The following CCDC171 variants were observed in gnomAD, a reference collection of about 807,000 sequenced individuals.
CCDC171 encodes the protein coiled-coil domain containing 171.
CCDC171 carries 177 observed loss-of-function variants against 168.2 expected under a neutral mutation model. The observed-to-expected ratio is 1.05, with a 90% confidence interval of 0.93 to 1.19. CCDC171 has a LOEUF of 1.19. Ranked by LOEUF, CCDC171 falls within the 50% of genes most tolerant of loss-of-function variation. CCDC171 has a pLI of 0.00. For synonymous variants in CCDC171, 687 were observed against 540.8 expected (o/e 1.27, Z -3.75); for missense variants, 1,991 against 1,539.0 (o/e 1.29, Z -4.91).
intron 3 of CCDC171, among the ~76,000 whole-genome samples, chr9:15,986,108 A>G (rs1453111825): frequency 1.3e-5 from 2 of 152,248 alleles, no homozygotes; most frequent in Non-Finnish European, 2.9e-5. Flanking sequence ...GATAATGGCA[A>G]TTAATGATTG....
chr9:15,629,818 C>T (rs1050370695), intron 7 of CCDC171, among the ~76,000 whole-genome samples: 4 of 152,232 alleles, frequency 2.6e-5, no homozygotes, highest in African/African-American at 7.2e-5. Context: ...ATCAGACTAA[C>T]AGTGGATCTC....
intron 8 of CCDC171, among the ~76,000 whole-genome samples, chr9:15,665,795 CATTTA>C (rs1361457464): frequency 1.3e-5 from 2 of 152,046 alleles, no homozygotes; most frequent in African/African-American, 2.4e-5. Context: ...AAAACCCAAA[CATTTA>C]ATTTATTATA....
chr9:15,927,221 T>C (rs1464397141), intron 25 of CCDC171, among the ~76,000 whole-genome samples: 1 of 151,646 alleles, frequency 6.6e-6, no homozygotes, highest in Non-Finnish European at 1.5e-5. Flanking sequence ...TTGCCAGTAC[T>C]TTAACTTTTC....
At chr9:15,878,170 A>C (rs978719334) in intron 24 of CCDC171, among the ~76,000 whole-genome samples, 1 of 152,228 alleles carries the variant, frequency 6.6e-6, no homozygotes, top group Non-Finnish European at 1.5e-5. Context: ...CAGCAAAAGA[A>C]ACTATCAACA....
At chr9:15,895,809 G>T (rs973450776) in intron 24 of CCDC171, among the ~76,000 whole-genome samples, 6 of 151,936 alleles carry the variant, frequency 3.9e-5, no homozygotes, top group African/African-American at 9.7e-5. Flanking sequence ...TGGCAATTCT[G>T]TAATTTACCA....
chr9:15,892,076 T>C (rs986897219), intron 24 of CCDC171, among the ~76,000 whole-genome samples: 1 of 152,224 alleles, frequency 6.6e-6, no homozygotes, highest in African/African-American at 2.4e-5. Context: ...CGTTTCAATA[T>C]GAAATTTTAA....
chr9:15,753,628 G>C (rs1296076125), intron 18 of CCDC171, among the ~76,000 whole-genome samples: 1 of 152,094 alleles, frequency 6.6e-6, no homozygotes, highest in East Asian at 1.9e-4. Flanking sequence ...TCAAGTAGAA[G>C]GTGGTGTCTT....
At chr9:15,753,096 G>C (rs2055867575) in intron 18 of CCDC171, among the ~76,000 whole-genome samples, 1 of 152,090 alleles carries the variant, frequency 6.6e-6, no homozygotes. Flanking sequence ...AGTTGTTAGA[G>C]AACAATAATG....
intron 6 of CCDC171, among the ~76,000 whole-genome samples, chr9:15,610,906 T>G (rs933100538): frequency 6.6e-6 from 1 of 152,096 alleles, no homozygotes; most frequent in African/African-American, 2.4e-5. Context: ...TAGTAGCCTC[T>G]GAGTTTCACA....
intron 21 of CCDC171, among the ~76,000 whole-genome samples, chr9:15,841,622 A>G (rs2060683067): frequency 6.6e-6 from 1 of 152,022 alleles, no homozygotes; most frequent in Admixed American, 6.6e-5. Context: ...ATAACTTTGT[A>G]TTTAAATTCC....
intron 9 of CCDC171, among the ~76,000 whole-genome samples, chr9:15,673,129 A>C (rs2049246293): frequency 6.6e-6 from 1 of 152,140 alleles, no homozygotes; most frequent in South Asian, 2.1e-4. Context: ...TATGAATGGG[A>C]GTTCACTCAT....
chr9:16,029,335 A>G (rs1350503978), intron 6 of CCDC171, among the ~76,000 whole-genome samples: 1 of 152,234 alleles, frequency 6.6e-6, no homozygotes, highest in East Asian at 1.9e-4. Context: ...GACATCTGTG[A>G]TCCTGATGTT....
At chr9:15,968,256 C>T (rs935228167) in intron 25 of CCDC171, among the ~76,000 whole-genome samples, 1 of 152,084 alleles carries the variant, frequency 6.6e-6, no homozygotes. Context: ...TTTAGATTTA[C>T]ATAAGAGACA....
intron 24 of CCDC171, among the ~76,000 whole-genome samples, chr9:15,915,307 A>G (rs1824337924): frequency 1.3e-5 from 2 of 151,436 alleles, no homozygotes; most frequent in South Asian, 4.2e-4. Flanking sequence ...TTCTTTCATC[A>G]GTGTTTTGTA....
intron 6 of CCDC171, among the ~76,000 whole-genome samples, chr9:15,597,677 AT>A (rs2042480933): frequency 6.6e-6 from 1 of 152,104 alleles, no homozygotes; most frequent in Non-Finnish European, 1.5e-5. Flanking sequence ...GTTAGGGAGG[AT>A]TCCCTCTTTT....
intron 3 of CCDC171, among the ~76,000 whole-genome samples, chr9:16,004,721 G>A (rs1832648434): frequency 6.6e-6 from 1 of 152,174 alleles, no homozygotes. Context: ...CTCTGATGTA[G>A]AATAGTAAGA....
chr9:15,717,007 A>C (rs900058463), intron 11 of CCDC171, among the ~76,000 whole-genome samples: 5 of 152,164 alleles, frequency 3.3e-5, no homozygotes, highest in African/African-American at 1.2e-4. Context: ...GGCAAAAAAA[A>C]CCACCTTCAT....
chr9:15,743,135 C>A (rs990152812), intron 16 of CCDC171, among the ~76,000 whole-genome samples: 9 of 121,940 alleles, frequency 7.4e-5, no homozygotes, highest in Middle Eastern at 5.0e-3. Context: ...GATCTGTTAC[C>A]TTCTTTTTTT....
chr9:16,100,628 A>G, the CCDC171 span, among the ~76,000 whole-genome samples: 3 of 152,202 alleles, frequency 2.0e-5, no homozygotes, highest in East Asian at 5.8e-4. Context: ...CCATCTTAGG[A>G]TCAGGCTAAT....
Sources: allele counts gnomAD v4.1 joint callset (sites outside exome capture counted in the v4.1 genomes callset), GRCh38; gene constraint gnomAD v4.1.1; transcripts MANE v1.5; gene names NCBI Gene and HGNC (gene_info 2026-07-23, HGNC 2026-07-21).